POLQ: variants seen among roughly 807,000 people sequenced by gnomAD.
POLQ encodes the protein epididymis secretory sperm binding protein.
POLQ carries 233 observed loss-of-function variants against 259.2 expected under a neutral mutation model. The ratio of observed to expected loss-of-function variants is 0.90; its 90% CI spans 0.81 to 1.00. POLQ has a LOEUF of 1.00. Ranked by LOEUF, POLQ falls within the 50% of genes least tolerant of loss-of-function variation. The pLI is 0.00. For missense variants in POLQ, 2,871 were observed against 3,051.6 expected (o/e 0.94, Z 1.39); for synonymous variants, 1,025 against 1,048.8 (o/e 0.98, Z 0.44).
intron 6 of POLQ, among the ~76,000 whole-genome samples, chr3:121,532,159 T>A (rs2048415750): frequency 6.6e-6 from 1 of 152,238 alleles, no homozygotes; most frequent in African/African-American, 2.4e-5. Flanking sequence ...ATAGGGATTA[T>A]AATATCCTAT....
intron 25 of POLQ, among the ~76,000 whole-genome samples, chr3:121,458,819 G>C (rs2047765774): frequency 6.6e-6 from 1 of 152,202 alleles, no homozygotes; most frequent in African/African-American, 2.4e-5. Flanking sequence ...GGGAGGCCAA[G>C]TTGGAAGTAT....
At chr3:121,539,687 A>C in intron 3 of POLQ, 98 bp from the exon 4 acceptor site, 1 of 847,556 alleles carries the variant, frequency 1.2e-6, no homozygotes, top group Non-Finnish European at 1.9e-6. Flanking sequence ...GTATCTAAAG[A>C]CATCTACCAG....
intron 19 of POLQ, among the ~76,000 whole-genome samples, chr3:121,480,584 T>A (rs1254599384): frequency 6.6e-6 from 1 of 151,774 alleles, no homozygotes; most frequent in Non-Finnish European, 1.5e-5. Context: ...GACTCCTGAG[T>A]AGCTGAGACT....
rs574702472 is a variant in POLQ at position 121,458,398 on chromosome 3, AAAATAAAT to A, written c.7152+1644_7152+1651del. Among the ~76,000 whole-genome samples the A allele has an allele frequency of 4.0e-5, 6 of 151,876 alleles. No homozygotes were observed. The East Asian group carries it at 9.7e-4, about 24-fold the overall frequency. On this transcript the variant is annotated intron_variant, in intron 25 of 29. Coordinates refer to ENST00000264233, the MANE Select transcript of POLQ (RefSeq NM_199420.4). ...CTTAAAGTATAATAATAATAAAATAAAAATAAATAAATAAATAAATAAAAGGAAGTCGG... is the reference window on the plus strand; with the variant it reads ...CTTAAAGTATAATAATAATAAAATAAAAATAAATAAATAAAAGGAAGTCGG...
At chr3:121,475,296 A>G (rs1438694025) in intron 20 of POLQ, among the ~76,000 whole-genome samples, 2 of 152,168 alleles carry the variant, frequency 1.3e-5, no homozygotes, top group Non-Finnish European at 2.9e-5. Flanking sequence ...ATATAGTGAG[A>G]TCATCTGAAA....
intron 12 of POLQ, among the ~76,000 whole-genome samples, chr3:121,498,981 C>G (rs1560100696): frequency 6.6e-6 from 1 of 151,940 alleles, no homozygotes; most frequent in Non-Finnish European, 1.5e-5. Flanking sequence ...TGTAGGAGGC[C>G]AAGGCAGGAG....
At chr3:121,481,869 C>A in intron 18 of POLQ, 57 bp from the exon 19 acceptor site, 2 of 1,467,780 alleles carry the variant, frequency 1.4e-6, no homozygotes, top group Non-Finnish European at 9.2e-7. Flanking sequence ...CACTTATGTA[C>A]CTCTAAATGA....
intron 11 of POLQ, 52 bp downstream of exon 11, chr3:121,509,987 C>T (rs1429865189): frequency 2.0e-5 from 28 of 1,387,988 alleles, no homozygotes; most frequent in Non-Finnish European, 2.7e-5. Context: ...AGTCATACAA[C>T]CTCACTAAAG....
At position 121,432,433 on chromosome 3, in the gene POLQ, AT is replaced by A; in HGVS notation, c.7660-17del. ...TCTGAGCTACCTAAGGAAAAAAAAA[AT>A]GTAGTTAACAAACTGCCCAGTCAAA... On this transcript the variant is annotated splice_polypyrimidine_tract_variant and intron_variant, in intron 29 of 29. Transcript: ENST00000264233. The A allele has an allele frequency of 6.2e-7, 1 of 1,600,442 alleles. No individual in the cohort carries two copies. The highest frequency in any genetic ancestry group is 8.5e-7 in the Non-Finnish European group (1 of 1,175,612).
chr3:121,541,426 C>T lies in POLQ; in HGVS notation c.397G>A (p.Val133Ile), dbSNP rs1451430973. 6.2e-7 allele frequency: 1 copy of T among 1,611,952 alleles called. No individual in the cohort carries two copies. Among genetic ancestry groups the T allele is most frequent in the Admixed American group, 1.7e-5 (1 of 59,728 alleles). ...LVAELLILKR[V>I]LEMRKKALFI... ...AAAGCTTTCTTCCGCATTTCCAAAA[C>T]CCGCTTCAAAATAAGTAATTCTGCC... Residue 133 changes from valine (V) to isoleucine (I), a missense_variant, in exon 3 of 30, where the codon GTT (valine) becomes ATT (isoleucine). Coordinates refer to ENST00000264233, the MANE Select transcript of POLQ (RefSeq NM_199420.4).
At position 121,485,039 on chromosome 3, in the gene POLQ, A is replaced by G. The variant is rs1474480309; in HGVS notation, c.5773+2T>C. On this transcript the variant is annotated splice_donor_variant, in intron 17 of 29. Transcript: ENST00000264233. LOFTEE classifies it high-confidence loss of function. ...TGACTTAGCCAAATACTCATTACTT[A>G]CCAGAATGCTTTTGTTCCTTCTGCA... The G allele has an allele frequency of 6.2e-7, 1 of 1,607,982 alleles. No homozygotes were observed. Among genetic ancestry groups the G allele is most frequent in the Non-Finnish European group, 8.5e-7 (1 of 1,177,542 alleles).
intron 15 of POLQ, among the ~76,000 whole-genome samples, chr3:121,491,119 A>T (rs1398939138): frequency 6.6e-6 from 1 of 152,066 alleles, no homozygotes; most frequent in East Asian, 1.9e-4. Context: ...TTGGGAGGCC[A>T]AGGTGGGTAG....
rs1415385002 is a variant in POLQ, at chr3:121,510,134, T to C, written c.1721A>G (p.Gln574Arg). ...KEGKQGIQRN[Q>R]ESVQLGAIEA... Reference sequence around the variant, plus strand: ...AATCGCTCCAAGCTGAACAGACTCTTGATTTCTCTGAATTCCTTGCTTCCC... The same window carrying C: ...AATCGCTCCAAGCTGAACAGACTCTCGATTTCTCTGAATTCCTTGCTTCCC... The change falls in exon 11 of 30, where the codon CAA becomes CGA. Residue 574 changes from glutamine (Q) to arginine (R), a missense_variant. Transcript: ENST00000264233. 2 of 1,613,984 alleles carry C rather than the reference T, an allele frequency of 1.2e-6. No individual in the cohort carries two copies. Among genetic ancestry groups the C allele is most frequent in the Admixed American group, 1.7e-5 (1 of 60,008 alleles).
rs747020111 is a variant in POLQ, at chr3:121,529,705, A to G, written c.1048T>C (p.Cys350Arg). The change falls in exon 7 of 30, where the codon TGT (cysteine) becomes CGT (arginine). Residue 350 changes from cysteine to arginine, a missense_variant. Coordinates refer to ENST00000264233, the MANE Select transcript of POLQ (RefSeq NM_199420.4). ...GCAATGATATCTGCCAGCTTCTCAC[A>G]CCATTTCTTTGATGGACAAAAAAGT... ...VLLFCPSKKW[C>R]EKLADIIARE... 6.2e-7 allele frequency: 1 copy of G among 1,613,106 alleles called. No individual in the cohort carries two copies. Among genetic ancestry groups the G allele is most frequent in the Non-Finnish European group, 8.5e-7 (1 of 1,179,404 alleles).
At chr3:121,479,196 T>C (rs1052238436) in intron 19 of POLQ, among the ~76,000 whole-genome samples, 6 of 151,968 alleles carry the variant, frequency 3.9e-5, no homozygotes, top group East Asian at 1.9e-4. Flanking sequence ...ATACCAGAAA[T>C]CTAAAAATAT....
chr3:121,464,233 A>T (rs964359252), intron 24 of POLQ, among the ~76,000 whole-genome samples: 1 of 152,194 alleles, frequency 6.6e-6, no homozygotes, highest in Non-Finnish European at 1.5e-5. Flanking sequence ...TTCATAAAAC[A>T]AATTAATAAT....
chr3:121,465,545 G>T (rs1208721817), intron 24 of POLQ, among the ~76,000 whole-genome samples: 1 of 152,078 alleles, frequency 6.6e-6, no homozygotes, highest in Non-Finnish European at 1.5e-5. Context: ...GAAATTAAAG[G>T]TTTTTGGCAA....
Position 121,488,889 on chromosome 3 carries a change from T to C in POLQ, c.4042A>G (p.Asn1348Asp). 6.2e-7 allele frequency: 1 copy of C among 1,614,176 alleles called. No homozygotes were observed. Among genetic ancestry groups the C allele is most frequent in the Non-Finnish European group, 8.5e-7 (1 of 1,179,994 alleles). ...ENAKLGAKDT[N>D]LAAGIMQKSL... ...TTCTGCATTATCCCTGCTGCCAGGT[T>C]GGTGTCCTTTGCTCCTAGTTTGGCA... Residue 1348 changes from asparagine to aspartate, a missense_variant, in exon 16 of 30, where the codon AAC becomes GAC. Around this residue, in one of 3 missense-constraint regions of POLQ, gnomAD observed 2,080 missense variants for 2,126.0 expected, o/e 0.98. Coordinates refer to ENST00000264233, the MANE Select transcript of POLQ (RefSeq NM_199420.4).
intron 7 of POLQ, among the ~76,000 whole-genome samples, chr3:121,523,771 AATT>A (rs1291320650): frequency 6.6e-6 from 1 of 152,286 alleles, no homozygotes; most frequent in African/African-American, 2.4e-5. Flanking sequence ...TATGTTCTAG[AATT>A]ATTATATGTC....
Sources: allele counts gnomAD v4.1 joint callset (sites outside exome capture counted in the v4.1 genomes callset), GRCh38; gene constraint gnomAD v4.1.1; regional missense constraint gnomAD v4.1.1; transcripts MANE v1.5; gene names NCBI Gene and HGNC (gene_info 2026-07-23, HGNC 2026-07-21).